The following NBAS variants were observed in gnomAD, a reference collection of about 807,000 sequenced individuals.
NBAS encodes NBAS subunit of NRZ tethering complex, also known as NAG/BC035112 fusion.
Under a neutral mutation model 302.5 loss-of-function variants are expected in NBAS, and 219 were observed. That is an observed-to-expected ratio of 0.72 (90% CI 0.65 to 0.81). The LOEUF (loss-of-function observed/expected upper bound fraction) is 0.81, where lower values mean the gene tolerates loss of function less well. Ranked by LOEUF, NBAS falls within the 30% of genes least tolerant of loss-of-function variation. The pLI is 0.00. For missense variants in NBAS, 2,932 were observed against 2,841.6 expected (o/e 1.03, Z -0.72); for synonymous variants, 1,118 against 1,021.6 (o/e 1.09, Z -1.80).
At chr2:15,313,141 G>C (rs1671352611) in intron 38 of NBAS, among the ~76,000 whole-genome samples, 1 of 152,126 alleles carries the variant, frequency 6.6e-6, no homozygotes, top group Non-Finnish European at 1.5e-5. Flanking sequence ...CCATAAATAT[G>C]GGCCAACTTT....
chr2:15,432,082 G>T (rs1189748871), intron 21 of NBAS, among the ~76,000 whole-genome samples: 2 of 151,210 alleles, frequency 1.3e-5, no homozygotes, highest in African/African-American at 4.9e-5. Flanking sequence ...AGGCAAAATT[G>T]TAGCTTGAAA....
intron 48 of NBAS, among the ~76,000 whole-genome samples, chr2:15,203,850 CTGTGTG>C (rs1163629239): frequency 3.5e-5 from 5 of 143,182 alleles, no homozygotes; most frequent in South Asian, 2.3e-4. Flanking sequence ...GGTGGCATGT[CTGTGTG>C]TGTGTGTCTG....
the NBAS span, among the ~76,000 whole-genome samples, chr2:15,100,430 G>A: frequency 6.6e-6 from 1 of 152,118 alleles, no homozygotes; most frequent in African/African-American, 2.4e-5. Context: ...GGTGCACATA[G>A]TATCACAGAG....
intron 24 of NBAS, among the ~76,000 whole-genome samples, chr2:15,416,454 A>G (rs1055932965): frequency 2.6e-5 from 4 of 152,218 alleles, no homozygotes; most frequent in African/African-American, 9.6e-5. Flanking sequence ...AATTAGGTAG[A>G]TTATCAGGAA....
At chr2:14,923,194 T>C in the NBAS span, among the ~76,000 whole-genome samples, 1 of 148,866 alleles carries the variant, frequency 6.7e-6, no homozygotes, top group African/African-American at 2.5e-5. Flanking sequence ...TCAGTGGTTC[T>C]CCGTTCATTC....
intron 9 of NBAS, among the ~76,000 whole-genome samples, chr2:15,517,649 G>A (rs1220715634): frequency 6.6e-6 from 1 of 151,992 alleles, no homozygotes; most frequent in Non-Finnish European, 1.5e-5. Context: ...CTTATGATCA[G>A]ATAATCAATA....
At chr2:15,233,243 TC>T (rs1319059170) in intron 46 of NBAS, among the ~76,000 whole-genome samples, 1 of 152,200 alleles carries the variant, frequency 6.6e-6, no homozygotes, top group African/African-American at 2.4e-5. Context: ...CCCTTTTCCT[TC>T]CATTGCTGGA....
chr2:15,314,064 T>C (rs1222950008), intron 38 of NBAS, among the ~76,000 whole-genome samples: 1 of 151,670 alleles, frequency 6.6e-6, no homozygotes, highest in East Asian at 1.9e-4. Flanking sequence ...AAAAAACAAG[T>C]ATTAAAAGGC....
At chr2:15,009,237 C>A in the NBAS span, among the ~76,000 whole-genome samples, 844 of 152,240 alleles carry the variant, frequency 5.5e-3, 10 homozygotes, top group African/African-American at 0.019. Flanking sequence ...CCAGCAATCC[C>A]AGGCACAAAT....
At chr2:15,281,723 A>G (rs1669833555) in intron 42 of NBAS, among the ~76,000 whole-genome samples, 1 of 152,200 alleles carries the variant, frequency 6.6e-6, no homozygotes, top group Non-Finnish European at 1.5e-5. Flanking sequence ...CAGAGCCTGC[A>G]GCAGGTTTGC....
At chr2:15,374,924 TA>T (rs1674661079) in intron 30 of NBAS, among the ~76,000 whole-genome samples, 2 of 152,162 alleles carry the variant, frequency 1.3e-5, no homozygotes, top group Non-Finnish European at 2.9e-5. Flanking sequence ...TTCAGGGAGC[TA>T]AAACTGAAAC....
At chr2:15,060,131 C>T in the NBAS span, among the ~76,000 whole-genome samples, 1 of 152,114 alleles carries the variant, frequency 6.6e-6, no homozygotes, top group Admixed American at 6.5e-5. Flanking sequence ...GCTCAGTCAT[C>T]TATAAAAGGG....
intron 21 of NBAS, among the ~76,000 whole-genome samples, chr2:15,449,139 T>A (rs540847700): frequency 6.6e-6 from 1 of 152,334 alleles, no homozygotes; most frequent in Admixed American, 6.5e-5. Flanking sequence ...AAAGATTTCT[T>A]AATTTCAAAT....
chr2:15,538,599 A>C (rs1452831687), intron 7 of NBAS, among the ~76,000 whole-genome samples: 1 of 152,178 alleles, frequency 6.6e-6, no homozygotes, highest in Admixed American at 6.5e-5. Flanking sequence ...CCACTGTTCT[A>C]TCTGACCCTG....
At chr2:15,266,038 G>A (rs990045531) in intron 44 of NBAS, among the ~76,000 whole-genome samples, 4 of 152,124 alleles carry the variant, frequency 2.6e-5, no homozygotes, top group Non-Finnish European at 4.4e-5. Context: ...ACTGAATCAT[G>A]GGAGTAGTTT....
chr2:14,895,328 A>G, the NBAS span, among the ~76,000 whole-genome samples: 2 of 152,212 alleles, frequency 1.3e-5, no homozygotes, highest in African/African-American at 4.8e-5. Flanking sequence ...AAAATCCTAG[A>G]AGAAAACCTA....
At chr2:14,804,978 C>A in the NBAS span, among the ~76,000 whole-genome samples, 2 of 152,204 alleles carry the variant, frequency 1.3e-5, no homozygotes, top group African/African-American at 4.8e-5. Flanking sequence ...CTCTTGGGTT[C>A]TTTTGCCTGA....
chr2:14,786,762 T>C, the NBAS span, among the ~76,000 whole-genome samples: 2 of 152,164 alleles, frequency 1.3e-5, no homozygotes, highest in African/African-American at 4.8e-5. Context: ...AATTTTGGAA[T>C]AGATGTGGTG....
At chr2:15,475,571 A>C in intron 14 of NBAS, 116 bp downstream of exon 14, 1 of 1,087,648 alleles carries the variant, frequency 9.2e-7, no homozygotes, top group Non-Finnish European at 1.3e-6. Context: ...ACCTGATTCC[A>C]ATCACAGATT....
Sources: gnomAD v4.1 joint callset for allele counts (sites outside exome capture counted in the v4.1 genomes callset) on GRCh38, gnomAD v4.1.1 for gene constraint, MANE v1.5 for transcripts, NCBI Gene and HGNC (gene_info 2026-07-23, HGNC 2026-07-21) for gene names.